ANKHD1: variants seen among roughly 807,000 people sequenced by gnomAD.
The protein encoded by ANKHD1 is ankyrin repeat and KH domain containing 1.
ANKHD1 carries 31 observed loss-of-function variants against 230.5 expected under a neutral mutation model. That is an observed-to-expected ratio of 0.13 (90% CI 0.10 to 0.18). The LOEUF (loss-of-function observed/expected upper bound fraction) is 0.18. Ranked by LOEUF, ANKHD1 falls within the 10% of genes least tolerant of loss-of-function variation. ANKHD1 has a pLI of 1.00. For synonymous variants in ANKHD1, 1,074 were observed against 1,117.6 expected (o/e 0.96, Z 0.78); for missense variants, 2,256 against 3,071.3 (o/e 0.73, Z 6.27).
At chr5:140,417,014 A>G (rs1771450914) in intron 1 of ANKHD1, among the ~76,000 whole-genome samples, 7 of 152,204 alleles carry the variant, frequency 4.6e-5, no homozygotes, top group Non-Finnish European at 1.5e-5. Flanking sequence ...GATCTGGACA[A>G]AATATTAAAA....
chr5:140,429,781 A>G (rs1445728255), intron 1 of ANKHD1, among the ~76,000 whole-genome samples: 1 of 152,268 alleles, frequency 6.6e-6, no homozygotes, highest in Non-Finnish European at 1.5e-5. Flanking sequence ...ATTTTATTAC[A>G]GTATAAGACT....
chr5:140,445,735 T>C lies in ANKHD1; in HGVS notation c.914-7T>C, dbSNP rs779889362. 2.6e-6 allele frequency: 4 copies of C among 1,561,548 alleles called. No individual in the cohort carries two copies. The African/African-American group carries it at 4.1e-5, about 16-fold the overall frequency. Reference sequence around the variant, plus strand: ...TCATGTATTATATTTCTTCTTCTTCTTTTTAGGAAACACTGCGCTAACTTA... The same window carrying C: ...TCATGTATTATATTTCTTCTTCTTCCTTTTAGGAAACACTGCGCTAACTTA... On this transcript the variant is annotated splice_region_variant and splice_polypyrimidine_tract_variant and intron_variant, in intron 5 of 33. Coordinates refer to ENST00000360839, the MANE Select transcript of ANKHD1 (RefSeq NM_017747.3).
intron 1 of ANKHD1, among the ~76,000 whole-genome samples, chr5:140,417,080 C>T (rs929895305): frequency 6.6e-6 from 1 of 152,004 alleles, no homozygotes; most frequent in Admixed American, 6.6e-5. Flanking sequence ...TCCCTGAAGC[C>T]ATTGAACCCA....
intron 24 of ANKHD1, among the ~76,000 whole-genome samples, chr5:140,521,311 G>C (rs1001631129): frequency 6.6e-5 from 10 of 152,108 alleles, no homozygotes; most frequent in African/African-American, 2.4e-4. Flanking sequence ...AATAAAAAAT[G>C]ATCATGTGAA....
chr5:140,482,539 C>T, intron 10 of ANKHD1, 41 bp from the exon 11 acceptor site: 2 of 1,597,790 alleles, frequency 1.3e-6, no homozygotes, highest in Non-Finnish European at 1.7e-6. Context: ...GATGGTTAGA[C>T]TGTTGGCATT....
chr5:140,505,187 T>A lies in ANKHD1; in HGVS notation c.3216T>A (p.Ser1072=). Residue 1072 remains serine (S), a synonymous_variant, in exon 17 of 34, where the codon TCT becomes TCA. Transcript: ENST00000360839. ...CAGGTGGTCATGAAGAACTTGTATC[T>A]GTGCTCATTGCACGGGATGCCAAAA... is the stretch of plus-strand genomic sequence containing the variant. ...ACAGGHEELV[S]VLIARDAKIE... 6.2e-7 allele frequency: 1 copy of A among 1,614,172 alleles called. No homozygotes were observed. Among genetic ancestry groups the A allele is most frequent in the Non-Finnish European group, 8.5e-7 (1 of 1,180,018 alleles).
intron 10 of ANKHD1, among the ~76,000 whole-genome samples, chr5:140,472,804 CCTA>C (rs1358488760): frequency 6.6e-6 from 1 of 152,006 alleles, no homozygotes; most frequent in Non-Finnish European, 1.5e-5. Context: ...AAAATTGTCT[CCTA>C]CTATTCTGAA....
intron 24 of ANKHD1, among the ~76,000 whole-genome samples, 184 bp from the exon 25 acceptor site, chr5:140,523,882 T>C (rs1258948364): frequency 6.6e-6 from 1 of 152,162 alleles, no homozygotes; most frequent in African/African-American, 2.4e-5. Context: ...TTCTTGATGA[T>C]TCCTTTGAAG....
chr5:140,532,501 T>C (rs972551576), intron 29 of ANKHD1, among the ~76,000 whole-genome samples: 1 of 152,070 alleles, frequency 6.6e-6, no homozygotes, highest in Admixed American at 6.6e-5. Flanking sequence ...AGTGGCGTGA[T>C]CATGGCTCAC....
chr5:140,432,557 A>G (rs1773127798), intron 1 of ANKHD1, among the ~76,000 whole-genome samples: 3 of 152,188 alleles, frequency 2.0e-5, no homozygotes, highest in Admixed American at 1.3e-4. Context: ...TTGTATGAAC[A>G]TGTATATTTT....
chr5:140,441,230 C>A, intron 5 of ANKHD1, 88 bp downstream of exon 5: 1 of 1,382,644 alleles, frequency 7.2e-7, no homozygotes. Context: ...TGAGGAAAAC[C>A]AGTATAAACC....
intron 7 of ANKHD1, among the ~76,000 whole-genome samples, chr5:140,451,084 G>A (rs1195282046): frequency 1.3e-5 from 2 of 152,004 alleles, no homozygotes; most frequent in Non-Finnish European, 2.9e-5. Flanking sequence ...CCTGGGAGGT[G>A]GAGGTTGCAG....
intron 14 of ANKHD1, among the ~76,000 whole-genome samples, chr5:140,488,816 C>T (rs1751627083): frequency 6.6e-6 from 1 of 152,044 alleles, no homozygotes; most frequent in Non-Finnish European, 1.5e-5. Flanking sequence ...ATGAGAATCA[C>T]TTGAACCCGG....
chr5:140,488,473 C>G (rs1163312655), intron 14 of ANKHD1, among the ~76,000 whole-genome samples: 2 of 151,646 alleles, frequency 1.3e-5, no homozygotes, highest in Non-Finnish European at 2.9e-5. Context: ...GTAATTCTAG[C>G]TAGTTGGGAG....
chr5:140,501,613 G>A (rs1165127712), intron 15 of ANKHD1, among the ~76,000 whole-genome samples: 1 of 151,856 alleles, frequency 6.6e-6, no homozygotes, highest in African/African-American at 2.4e-5. Flanking sequence ...AGCCAGGCAT[G>A]CTGGCATGTG....
Position 140,526,092 on chromosome 5 carries a change from A to G in ANKHD1, c.4589A>G (p.Lys1530Arg). 3 of 1,613,754 alleles carry G rather than the reference A, an allele frequency of 1.9e-6. No individual in the cohort carries two copies. In the East Asian group the frequency reaches 6.7e-5, roughly 36 times the overall value. The change falls in exon 26 of 34, where the codon AAA becomes AGA. Residue 1530 changes from lysine to arginine, a missense_variant. Around this residue, in one of 13 missense-constraint regions of ANKHD1, gnomAD observed 212 missense variants for 257.3 expected, o/e 0.82. Coordinates refer to ENST00000360839, the MANE Select transcript of ANKHD1 (RefSeq NM_017747.3). ...TSATFTNVFG[K>R]KRANVVTTPS... Reference sequence around the variant, plus strand: ...GCAACATTCACAAATGTGTTTGGGAAAAAAAGGGCCAATGTGGTGACAACT... The same window carrying G: ...GCAACATTCACAAATGTGTTTGGGAGAAAAAGGGCCAATGTGGTGACAACT...
chr5:140,538,400 C>A, intron 32 of ANKHD1, 139 bp downstream of exon 32: 1 of 1,399,154 alleles, frequency 7.1e-7, no homozygotes, highest in Non-Finnish European at 9.6e-7. Context: ...TTCAGGAGTG[C>A]ACAGAGTTGT....
chr5:140,421,296 C>CTTT (rs35408466), intron 1 of ANKHD1, among the ~76,000 whole-genome samples: 5 of 94,502 alleles, frequency 5.3e-5, no homozygotes, highest in African/African-American at 7.4e-5. Context: ...AGAGTTTTTA[C>CTTT]TTTTTTTTTT....
intron 9 of ANKHD1, among the ~76,000 whole-genome samples, chr5:140,463,008 G>A (rs769763592): frequency 6.6e-6 from 1 of 151,752 alleles, no homozygotes; most frequent in African/African-American, 2.4e-5. Context: ...ACTATGCCCC[G>A]CTAATTTTTT....
Sources: gnomAD v4.1 joint callset for allele counts (sites outside exome capture counted in the v4.1 genomes callset) on GRCh38, gnomAD v4.1.1 for gene constraint, gnomAD v4.1.1 regional missense constraint, MANE v1.5 for transcripts, NCBI Gene and HGNC (gene_info 2026-07-23, HGNC 2026-07-21) for gene names.